FAM135B: variants seen among roughly 807,000 people sequenced by gnomAD.
FAM135B encodes family with sequence similarity 135 member B, also known as protein FAM135B.
In FAM135B, 43 loss-of-function variants were observed where a neutral mutation model predicts 127.7. The observed-to-expected ratio is 0.34, with a 90% CI of 0.26 to 0.43. The LOEUF is 0.43. Ranked by LOEUF, FAM135B falls within the 20% of genes least tolerant of loss-of-function variation. The probability of loss-of-function intolerance (pLI) is 1.00; values close to 1 mark genes in which losing one functional copy is unlikely to be tolerated. For synonymous variants in FAM135B, 670 were observed against 665.1 expected, an observed-to-expected ratio of 1.01 and a Z score of -0.11; for missense variants, 1,558 against 1,725.6, an observed-to-expected ratio of 0.90 and a Z score of 1.72.
At chr8:138,466,439 C>T (rs1328374140) in intron 1 of FAM135B, among the ~76,000 whole-genome samples, 2 of 152,096 alleles carry the variant, frequency 1.3e-5, no homozygotes, top group Non-Finnish European at 2.9e-5. Context: ...AGAGCAGGAA[C>T]AAATGCACCA....
At chr8:138,144,996 T>C (rs576249472) in intron 15 of FAM135B, among the ~76,000 whole-genome samples, 3 of 152,098 alleles carry the variant, frequency 2.0e-5, no homozygotes, top group Non-Finnish European at 4.4e-5. Flanking sequence ...TCCTATTTTA[T>C]TTTAGTTTAG....
intron 1 of FAM135B, chr8:138,459,672 G>C (rs1463073456): frequency 6.6e-6 from 1 of 152,166 alleles, no homozygotes; most frequent in Non-Finnish European, 1.5e-5. Flanking sequence ...CCCTGACTCA[G>C]ATCTGGACTG....
intron 2 of FAM135B, among the ~76,000 whole-genome samples, chr8:138,356,506 C>A (rs1512390): frequency 6.6e-6 from 1 of 152,182 alleles, no homozygotes; most frequent in Non-Finnish European, 1.5e-5. Flanking sequence ...CACAGAATTT[C>A]AAAATTTTTC....
chr8:138,335,514 C>A (rs1422319073), intron 2 of FAM135B, among the ~76,000 whole-genome samples: 2 of 152,036 alleles, frequency 1.3e-5, no homozygotes, highest in African/African-American at 4.8e-5. Context: ...CAAAGAAGTC[C>A]ATTACATAAT....
intron 2 of FAM135B, chr8:138,358,691 C>A (rs1045907679): frequency 6.6e-6 from 1 of 152,122 alleles, no homozygotes; most frequent in African/African-American, 2.4e-5. Flanking sequence ...TTTCTATTAT[C>A]CTACCTTCAT....
intron 1 of FAM135B, among the ~76,000 whole-genome samples, chr8:138,482,531 T>C (rs1392019579): frequency 6.6e-6 from 1 of 152,174 alleles, no homozygotes; most frequent in East Asian, 1.9e-4. Flanking sequence ...CTCTTCATTT[T>C]GCAGCTGGCC....
At chr8:138,421,919 T>G (rs1166849296) in intron 1 of FAM135B, among the ~76,000 whole-genome samples, 1 of 152,108 alleles carries the variant, frequency 6.6e-6, no homozygotes, top group Non-Finnish European at 1.5e-5. Context: ...CAGCATGGTA[T>G]GTGTACAAAA....
intron 9 of FAM135B, among the ~76,000 whole-genome samples, chr8:138,187,599 C>T (rs769398684): frequency 1.3e-5 from 2 of 152,178 alleles, no homozygotes; most frequent in Admixed American, 6.5e-5. Context: ...AGCCTCTAGC[C>T]CCCATATGAT....
intron 7 of FAM135B, among the ~76,000 whole-genome samples, chr8:138,236,040 G>A (rs1447904309): frequency 2.0e-5 from 3 of 152,162 alleles, no homozygotes; most frequent in Non-Finnish European, 2.9e-5. Flanking sequence ...GTGCAGGCTG[G>A]AAACAGGTCT....
chr8:138,350,236 G>A (rs1028992931), intron 2 of FAM135B, among the ~76,000 whole-genome samples: 1 of 152,122 alleles, frequency 6.6e-6, no homozygotes, highest in Non-Finnish European at 1.5e-5. Flanking sequence ...TACATGAAGT[G>A]CTTCATGTAA....
At chr8:138,454,755 G>A (rs1015079966) in intron 1 of FAM135B, among the ~76,000 whole-genome samples, 3 of 152,142 alleles carry the variant, frequency 2.0e-5, no homozygotes, top group East Asian at 1.9e-4. Context: ...ACTTATAATC[G>A]GAAGGAATGG....
At chr8:138,247,475 C>T (rs1044574466) in intron 6 of FAM135B, among the ~76,000 whole-genome samples, 1 of 152,204 alleles carries the variant, frequency 6.6e-6, no homozygotes. Context: ...CTCTTTGATG[C>T]TGGCATGTGA....
chr8:138,286,564 G>T (rs999910043), intron 3 of FAM135B, among the ~76,000 whole-genome samples: 9 of 152,172 alleles, frequency 5.9e-5, no homozygotes, highest in African/African-American at 1.7e-4. Context: ...GAAAGCTAAG[G>T]CAATCCCAGG....
At chr8:138,274,770 T>G (rs919324659) in intron 3 of FAM135B, among the ~76,000 whole-genome samples, 8 of 152,110 alleles carry the variant, frequency 5.3e-5, no homozygotes, top group Non-Finnish European at 1.5e-5. Context: ...CAGCAATATT[T>G]CTCCCATTTG....
chr8:138,430,983 C>T (rs1179846992), intron 1 of FAM135B, among the ~76,000 whole-genome samples: 2 of 152,042 alleles, frequency 1.3e-5, no homozygotes, highest in Non-Finnish European at 2.9e-5. Context: ...ATATCATGCC[C>T]ACACAGAGTA....
chr8:138,222,672 G>T (rs1819115573), intron 7 of FAM135B, among the ~76,000 whole-genome samples: 1 of 132,486 alleles, frequency 7.5e-6, no homozygotes, highest in African/African-American at 3.0e-5. Flanking sequence ...GATTTTTGTT[G>T]GTGGTGTTTT....
intron 7 of FAM135B, among the ~76,000 whole-genome samples, chr8:138,209,117 T>G (rs1381093321): frequency 2.0e-5 from 3 of 152,182 alleles, no homozygotes; most frequent in Non-Finnish European, 4.4e-5. Flanking sequence ...TCCTAATTGC[T>G]GGGTTTTTTT....
intron 3 of FAM135B, among the ~76,000 whole-genome samples, chr8:138,275,474 C>T (rs1391264107): frequency 6.6e-6 from 1 of 152,112 alleles, no homozygotes; most frequent in Non-Finnish European, 1.5e-5. Flanking sequence ...CACTTGAGGC[C>T]AGGAGTTCAA....
At chr8:138,162,134 G>A (rs1429273071) in intron 12 of FAM135B, among the ~76,000 whole-genome samples, 3 of 152,210 alleles carry the variant, frequency 2.0e-5, no homozygotes, top group African/African-American at 4.8e-5. Context: ...GGGAAAGTGA[G>A]TACTAGTTAT....
Sources: gnomAD v4.1 joint callset for allele counts (sites outside exome capture counted in the v4.1 genomes callset) on GRCh38, gnomAD v4.1.1 for gene constraint, MANE v1.5 for transcripts, NCBI Gene and HGNC (gene_info 2026-07-23, HGNC 2026-07-21) for gene names.